KANK4: variants seen among roughly 807,000 people sequenced by gnomAD.
KANK4 encodes KN motif and ankyrin repeat domain-containing protein 4.
Under a neutral mutation model 80.8 loss-of-function variants are expected in KANK4, and 50 were observed. The observed-to-expected ratio is 0.62, with a 90% confidence interval of 0.49 to 0.78. The LOEUF (loss-of-function observed/expected upper bound fraction) is 0.78. KANK4 is among the 30% of genes least tolerant of loss of function. The pLI, the probability that KANK4 is intolerant of heterozygous loss-of-function variation, is 0.00. For synonymous variants in KANK4, 465 were observed against 506.9 expected, an observed-to-expected ratio of 0.92 and a Z score of 1.11; for missense variants, 1,196 against 1,240.1, an observed-to-expected ratio of 0.96 and a Z score of 0.53.
At chr1:62,253,515 T>C (rs1303266705) in intron 7 of KANK4, among the ~76,000 whole-genome samples, 1 of 144,164 alleles carries the variant, frequency 6.9e-6, no homozygotes, top group African/African-American at 2.6e-5. Flanking sequence ...GTTCAAGCAA[T>C]TCTGCTGCCT....
rs570380622 is a variant in KANK4 at position 62,266,211 on chromosome 1, C to T, written c.2319+521G>A. Among the ~76,000 whole-genome samples, 22 of 152,334 alleles carry T rather than the reference C, an allele frequency of 1.4e-4. 1 individual carries two copies. Among genetic ancestry groups the T allele is most frequent in the African/African-American group, 5.3e-4 (22 of 41,570 alleles). On this transcript the variant is annotated intron_variant, in intron 6 of 9. Coordinates refer to ENST00000371153, the MANE Select transcript of KANK4 (RefSeq NM_181712.5). Reference sequence around the variant, plus strand: ...CTTTCTTGTGCATATCCATGGGCTCCACTTCCTCAGTGTGACCCATCACTT... The same window carrying T: ...CTTTCTTGTGCATATCCATGGGCTCTACTTCCTCAGTGTGACCCATCACTT...
At chr1:62,294,476 G>A (rs1644344319) in intron 1 of KANK4, among the ~76,000 whole-genome samples, 1 of 152,246 alleles carries the variant, frequency 6.6e-6, no homozygotes, top group African/African-American at 2.4e-5. Flanking sequence ...GCAGGCATCA[G>A]CTGGGTGCCA....
intron 5 of KANK4, among the ~76,000 whole-genome samples, chr1:62,267,776 C>T (rs112203451): frequency 2.7e-5 from 4 of 145,818 alleles, no homozygotes; most frequent in Admixed American, 1.4e-4. Context: ...CACTCCAGCC[C>T]GGGTGACAGT....
At chr1:62,263,344 T>G in intron 6 of KANK4, 33 bp from the exon 7 acceptor site, 1 of 1,551,392 alleles carries the variant, frequency 6.4e-7, no homozygotes, top group Non-Finnish European at 8.8e-7. Context: ...TTCCAAGAGG[T>G]TCCCCGGCCA....
intron 5 of KANK4, among the ~76,000 whole-genome samples, chr1:62,267,989 C>A (rs1362049156): frequency 6.6e-6 from 1 of 152,108 alleles, no homozygotes; most frequent in East Asian, 1.9e-4. Flanking sequence ...TTCTGTCCTG[C>A]AGGACTGTTG....
At chr1:62,310,823 G>A (rs540227242) in intron 1 of KANK4, among the ~76,000 whole-genome samples, 5 of 151,982 alleles carry the variant, frequency 3.3e-5, no homozygotes, top group Admixed American at 6.6e-5. Context: ...CCAAAATGGC[G>A]CTGAAGCACT....
chr1:62,308,108 A>G (rs1267951219), intron 1 of KANK4, among the ~76,000 whole-genome samples: 2 of 152,160 alleles, frequency 1.3e-5, no homozygotes, highest in African/African-American at 2.4e-5. Context: ...TCTGGGCCCC[A>G]GGAACCAGCA....
At chr1:62,305,076 TTGC>T (rs1235093686) in intron 1 of KANK4, among the ~76,000 whole-genome samples, 2 of 152,128 alleles carry the variant, frequency 1.3e-5, no homozygotes, top group Non-Finnish European at 1.5e-5. Flanking sequence ...GAGGTGTCAC[TTGC>T]AAAGACAAGC....
At position 62,263,221 on chromosome 1, in the gene KANK4, C is replaced by G. The variant is rs371517518; in HGVS notation, c.2410G>C (p.Glu804Gln). ...SPAVVASYLH[E>Q]VQPHSPHFLK... ...AAGTGTGGGGAGTGAGGCTGGACCT[C>G]GTGGAGGTAGGAGGCCACCACGGCG... Residue 804 changes from glutamate to glutamine, a missense_variant, in exon 7 of 10, where the codon GAG becomes CAG. Around this residue, in one of 3 missense-constraint regions of KANK4, gnomAD observed 1,154 missense variants for 1,179.6 expected, o/e 0.98. Coordinates refer to ENST00000371153, the MANE Select transcript of KANK4 (RefSeq NM_181712.5). 1 of 1,613,914 alleles carries G rather than the reference C, an allele frequency of 6.2e-7. No individual in the cohort carries two copies. The highest frequency in any genetic ancestry group is 1.7e-5 in the Admixed American group (1 of 59,978).
intron 2 of KANK4, among the ~76,000 whole-genome samples, chr1:62,279,237 CACACAG>C (rs1410415850): frequency 0.031 from 2,329 of 75,388 alleles, 34 homozygotes; most frequent in Middle Eastern, 0.11. Context: ...CACACACACA[CACACAG>C]AGTGATCCAT....
chr1:62,301,683 T>A (rs966969089), intron 1 of KANK4, among the ~76,000 whole-genome samples: 4 of 151,874 alleles, frequency 2.6e-5, no homozygotes, highest in Non-Finnish European at 5.9e-5. Flanking sequence ...AGCGTCCAAA[T>A]AGCTAACACG....
In KANK4 at chr1:62,247,561, C is replaced by T; in HGVS notation, c.2794G>A (p.Ala932Thr). 6.2e-7 allele frequency: 1 copy of T among 1,613,998 alleles called. No individual in the cohort carries two copies. Among genetic ancestry groups the T allele is most frequent in the Non-Finnish European group, 8.5e-7 (1 of 1,180,002 alleles). Residue 932 changes from alanine to threonine, a missense_variant, in exon 9 of 10, where the codon GCC (alanine) becomes ACC (threonine). By Grantham distance (58) the Ala-to-Thr change is moderately conservative. Around this residue, in one of 3 missense-constraint regions of KANK4, gnomAD observed 1,154 missense variants for 1,179.6 expected, o/e 0.98. Transcript: ENST00000371153. ...VNLQDHDGSS[A>T]LMVACHHGNV... ...CCATGGTGACAGGCCACCATGAGGG[C>T]CGAGGATCCATCGTGGTCCTGCAGA...
At chr1:62,316,991 T>C (rs891981588) in intron 1 of KANK4, among the ~76,000 whole-genome samples, 1 of 152,074 alleles carries the variant, frequency 6.6e-6, no homozygotes, top group African/African-American at 2.4e-5. Flanking sequence ...AAGCTAAGAG[T>C]GCATTCACTG....
intron 7 of KANK4, among the ~76,000 whole-genome samples, chr1:62,255,164 CA>C (rs1377654859): frequency 1.1e-4 from 17 of 152,248 alleles, no homozygotes; most frequent in Admixed American, 5.9e-4. Flanking sequence ...GGATTACAGG[CA>C]TGAGCCACGG....
intron 6 of KANK4, among the ~76,000 whole-genome samples, chr1:62,266,099 G>A (rs961815024): frequency 7.9e-5 from 12 of 152,312 alleles, no homozygotes; most frequent in Non-Finnish European, 1.5e-4. Context: ...CAGGGCCATC[G>A]TGAGCCTAAG....
At chr1:62,266,313 C>A (rs1269652788) in intron 6 of KANK4, among the ~76,000 whole-genome samples, 2 of 151,876 alleles carry the variant, frequency 1.3e-5, no homozygotes, top group Non-Finnish European at 2.9e-5. Context: ...ACCACTGCCT[C>A]ACACTGTGCA....
chr1:62,298,053 G>C (rs1170191207), intron 1 of KANK4: 1 of 152,214 alleles, frequency 6.6e-6, no homozygotes, highest in Non-Finnish European at 1.5e-5. Context: ...CTCCTGCCTT[G>C]TTAACTCGGG....
chr1:62,276,504 G>A (rs1001967540), intron 2 of KANK4, among the ~76,000 whole-genome samples: 7 of 152,082 alleles, frequency 4.6e-5, no homozygotes, highest in Non-Finnish European at 5.9e-5. Context: ...GGTCGGGTGC[G>A]GTGGTTCATG....
chr1:62,300,329 T>C (rs10493319), intron 1 of KANK4, among the ~76,000 whole-genome samples: 10,472 of 152,180 alleles, frequency 0.069, 1,011 homozygotes, highest in African/African-American at 0.22. Flanking sequence ...CAGAAATTCT[T>C]CTTCAGGCAC....
Sources: gnomAD v4.1 joint callset for allele counts (sites outside exome capture counted in the v4.1 genomes callset) on GRCh38, gnomAD v4.1.1 for gene constraint, gnomAD v4.1.1 regional missense constraint, MANE v1.5 for transcripts, NCBI Gene and HGNC (gene_info 2026-07-23, HGNC 2026-07-21) for gene names.